Variants in TBC1D12 observed in about 807,000 individuals in gnomAD.
TBC1D12 encodes the protein TBC1 domain family member 12.
A neutral mutation model predicts 86.7 loss-of-function variants in TBC1D12; 56 were observed. The ratio of observed to expected loss-of-function variants is 0.65; its 90% CI spans 0.52 to 0.81. TBC1D12 has a LOEUF of 0.81. TBC1D12 is among the 30% of genes least tolerant of loss of function. TBC1D12 has a pLI of 0.00. For missense variants in TBC1D12, 1,023 were observed against 1,038.8 expected, an observed-to-expected ratio of 0.98 and a Z score of 0.21; for synonymous variants, 421 against 411.7, an observed-to-expected ratio of 1.02 and a Z score of -0.27.
At chr10:94,485,561 T>C (rs1425783051) in intron 3 of TBC1D12, among the ~76,000 whole-genome samples, 2 of 151,342 alleles carry the variant, frequency 1.3e-5, no homozygotes, top group South Asian at 4.2e-4. Flanking sequence ...TTTTTTTTTT[T>C]TAGTGTGTCT....
intron 3 of TBC1D12, among the ~76,000 whole-genome samples, chr10:94,490,419 G>C (rs952297791): frequency 3.3e-5 from 5 of 152,078 alleles, no homozygotes; most frequent in African/African-American, 1.2e-4. Context: ...ATGTAATAAA[G>C]CAAATCACAG....
At chr10:94,509,953 A>G (rs1307975875) in intron 7 of TBC1D12, 138 bp from the exon 8 acceptor site, 1 of 630,694 alleles carries the variant, frequency 1.6e-6, no homozygotes, top group Non-Finnish European at 2.7e-6. Context: ...AACAAAAGCT[A>G]TGTGACATTT....
chr10:94,498,366 A>G (rs1216421891), intron 5 of TBC1D12, among the ~76,000 whole-genome samples: 1 of 152,154 alleles, frequency 6.6e-6, no homozygotes, highest in East Asian at 1.9e-4. Context: ...TTATTTATTC[A>G]TTTTTAAGTT....
intron 7 of TBC1D12, 87 bp downstream of exon 7, chr10:94,507,434 A>G (rs547558460): frequency 5.2e-6 from 6 of 1,148,334 alleles, no homozygotes; most frequent in Admixed American, 2.7e-5. Flanking sequence ...CGCTTTACAT[A>G]TATCATCTTA....
At chr10:94,469,142 GTAT>G (rs2055865039) in intron 2 of TBC1D12, among the ~76,000 whole-genome samples, 1 of 152,172 alleles carries the variant, frequency 6.6e-6, no homozygotes, top group Admixed American at 6.5e-5. Context: ...ACAAAATCAA[GTAT>G]TATTCAGCCC....
chr10:94,470,198 A>C (rs1589639717), intron 2 of TBC1D12, among the ~76,000 whole-genome samples: 1 of 152,160 alleles, frequency 6.6e-6, no homozygotes, highest in Admixed American at 6.5e-5. Flanking sequence ...CCTCTTGGTC[A>C]AACAGAATCC....
At chr10:94,420,715 G>T (rs530682116) in intron 1 of TBC1D12, among the ~76,000 whole-genome samples, 2 of 152,110 alleles carry the variant, frequency 1.3e-5, no homozygotes, top group Admixed American at 1.3e-4. Context: ...TTATGGTTGC[G>T]TAATAGTCCA....
chr10:94,445,083 G>A (rs926055428), intron 2 of TBC1D12, among the ~76,000 whole-genome samples: 1 of 149,990 alleles, frequency 6.7e-6, no homozygotes, highest in East Asian at 2.0e-4. Context: ...TGAGTGGGCC[G>A]GGAGCGGTGG....
intron 2 of TBC1D12, among the ~76,000 whole-genome samples, chr10:94,463,476 T>C (rs761382343): frequency 6.6e-6 from 1 of 152,190 alleles, no homozygotes; most frequent in Non-Finnish European, 1.5e-5. Flanking sequence ...CCCACTCTCA[T>C]GATAATATGT....
At chr10:94,445,031 C>T (rs752598172) in intron 2 of TBC1D12, among the ~76,000 whole-genome samples, 1 of 143,364 alleles carries the variant, frequency 7.0e-6, no homozygotes, top group Non-Finnish European at 1.5e-5. Context: ...CGCGCCCGGC[C>T]CCTCACATTC....
chr10:94,451,042 A>T (rs772266016), intron 2 of TBC1D12, among the ~76,000 whole-genome samples: 8 of 152,040 alleles, frequency 5.3e-5, no homozygotes, highest in Non-Finnish European at 1.0e-4. Flanking sequence ...GGTGGTGGGG[A>T]GTGCATGTTA....
At chr10:94,531,862 A>ATTTTATTTTATATGT (rs760350753) in intron 12 of TBC1D12, among the ~76,000 whole-genome samples, 1 of 83,282 alleles carries the variant, frequency 1.2e-5, no homozygotes, top group East Asian at 3.8e-4. Flanking sequence ...ATTTTATTTT[A>ATTTTATTTTATATGT]TATGTTATGT....
chr10:94,424,149 CT>C (rs1439654381), intron 1 of TBC1D12, among the ~76,000 whole-genome samples: 1 of 152,122 alleles, frequency 6.6e-6, no homozygotes. Flanking sequence ...CATCTGAGAA[CT>C]TTGGTATCTG....
chr10:94,456,500 T>C (rs1261244480), intron 2 of TBC1D12, among the ~76,000 whole-genome samples: 1 of 152,224 alleles, frequency 6.6e-6, no homozygotes, highest in Non-Finnish European at 1.5e-5. Context: ...CTCTGTCAAT[T>C]TCTAGTTTAA....
At chr10:94,480,742 T>A (rs1050903155) in intron 3 of TBC1D12, among the ~76,000 whole-genome samples, 2 of 151,124 alleles carry the variant, frequency 1.3e-5, no homozygotes, top group African/African-American at 4.9e-5. Flanking sequence ...CCAGGTGTGG[T>A]GGCACACTAC....
At chr10:94,464,625 G>A (rs187228386) in intron 2 of TBC1D12, among the ~76,000 whole-genome samples, 1 of 152,196 alleles carries the variant, frequency 6.6e-6, no homozygotes, top group African/African-American at 2.4e-5. Context: ...ACCACCATGT[G>A]TGGCTAATTT....
chr10:94,461,231 A>C (rs946999563), intron 2 of TBC1D12, among the ~76,000 whole-genome samples: 1 of 152,192 alleles, frequency 6.6e-6, no homozygotes, highest in Non-Finnish European at 1.5e-5. Context: ...GAAGCATTCT[A>C]TAGTCCTATG....
chr10:94,475,240 A>AT (rs2055971813), intron 3 of TBC1D12, among the ~76,000 whole-genome samples: 2 of 152,110 alleles, frequency 1.3e-5, no homozygotes, highest in South Asian at 4.1e-4. Flanking sequence ...CTTTCTTGAC[A>AT]TTTAGTATGT....
At chr10:94,456,431 T>C (rs1589628447) in intron 2 of TBC1D12, among the ~76,000 whole-genome samples, 1 of 152,198 alleles carries the variant, frequency 6.6e-6, no homozygotes, top group Non-Finnish European at 1.5e-5. Flanking sequence ...TTGACACATG[T>C]GTTATTTAGA....
Sources: gnomAD v4.1 joint callset for allele counts (sites outside exome capture counted in the v4.1 genomes callset) on GRCh38, gnomAD v4.1.1 for gene constraint, MANE v1.5 for transcripts, NCBI Gene and HGNC (gene_info 2026-07-23, HGNC 2026-07-21) for gene names.